LARP4B: variants seen among roughly 807,000 people sequenced by gnomAD.
LARP4B encodes la-related protein 4B.
Under a neutral mutation model 89.8 loss-of-function variants are expected in LARP4B, and 12 were observed. The ratio of observed to expected loss-of-function variants is 0.13; its 90% CI spans 0.09 to 0.22. The LOEUF (loss-of-function observed/expected upper bound fraction) is 0.22. Ranked by LOEUF, LARP4B falls within the 10% of genes least tolerant of loss-of-function variation. The probability of loss-of-function intolerance (pLI) is 1.00; values close to 1 mark genes in which losing one functional copy is unlikely to be tolerated. For missense variants in LARP4B, 757 were observed against 947.7 expected (o/e 0.80, Z 2.64); for synonymous variants, 367 against 363.3 (o/e 1.01, Z -0.12).
At chr10:909,068 G>T (rs1032349194) in intron 1 of LARP4B, among the ~76,000 whole-genome samples, 1 of 152,134 alleles carries the variant, frequency 6.6e-6, no homozygotes, top group Non-Finnish European at 1.5e-5. Context: ...GCTGAGGCGG[G>T]CAGATCACAA....
chr10:897,564 A>G (rs890402751), intron 1 of LARP4B, among the ~76,000 whole-genome samples: 2 of 152,230 alleles, frequency 1.3e-5, no homozygotes, highest in African/African-American at 4.8e-5. Context: ...CACACTATCA[A>G]GAAAGTGAAA....
intron 1 of LARP4B, among the ~76,000 whole-genome samples, chr10:927,660 T>C (rs982548476): frequency 1.3e-5 from 2 of 152,152 alleles, no homozygotes; most frequent in Non-Finnish European, 2.9e-5. Context: ...ACTCTTCACA[T>C]CAATAAAGTT....
At chr10:957,455 C>T in the LARP4B span, among the ~76,000 whole-genome samples, 1 of 152,098 alleles carries the variant, frequency 6.6e-6, no homozygotes, top group African/African-American at 2.4e-5. Context: ...GGTAAGCCAC[C>T]ATATCCAGCC....
At chr10:927,614 T>C (rs1486175071) in intron 1 of LARP4B, among the ~76,000 whole-genome samples, 1 of 152,212 alleles carries the variant, frequency 6.6e-6, no homozygotes, top group East Asian at 1.9e-4. Context: ...CTCATTTACT[T>C]CGTACTCTAA....
At chr10:824,765 G>C (rs1001998917) in intron 13 of LARP4B, among the ~76,000 whole-genome samples, 5 of 152,350 alleles carry the variant, frequency 3.3e-5, no homozygotes, top group African/African-American at 9.6e-5. Flanking sequence ...AGAGGGGCCT[G>C]GTGAGCCAGG....
chr10:972,182 C>T, the LARP4B span: 3 of 299,332 alleles, frequency 1.0e-5, no homozygotes, highest in Non-Finnish European at 2.0e-5. Context: ...CATGTGTCAA[C>T]ACGCCTGGGT....
intron 3 of LARP4B, among the ~76,000 whole-genome samples, chr10:878,277 A>G (rs887843245): frequency 6.6e-6 from 1 of 152,110 alleles, no homozygotes; most frequent in Admixed American, 6.5e-5. Flanking sequence ...TCTCGAAGGG[A>G]TCCTCTGGCC....
chr10:862,281 A>G lies in LARP4B; in HGVS notation c.430+1462T>C, dbSNP rs66526776. On this transcript the variant is annotated intron_variant, in intron 5 of 17. Coordinates refer to ENST00000316157, the MANE Select transcript of LARP4B (RefSeq NM_015155.3). The stretch of plus-strand genomic sequence containing the variant: ...TAAAAAAAAAAAAAAAAAAAAAAAA[A>G]CAACCGTCACAGAACATCTACACAT... Among the ~76,000 whole-genome samples, 1,171 of 147,406 alleles carry G rather than the reference A, an allele frequency of 7.9e-3. 11 individuals carry two copies. The highest frequency in any genetic ancestry group is 0.014 in the Non-Finnish European group (898 of 66,300).
rs565752602 is a variant in LARP4B at position 814,092 on chromosome 10, C to A, written c.1929+650G>T. On this transcript the variant is annotated intron_variant, in intron 17 of 17. Coordinates refer to ENST00000316157, the MANE Select transcript of LARP4B (RefSeq NM_015155.3). The surrounding 1 kb of genome is among the most constrained non-coding windows in gnomAD (Gnocchi z 4.4). ...CTGGGATTACAGGCGTGAGCCACAG[C>A]ACCTGGCCTCTTTTATTATTATTAT... Among the ~76,000 whole-genome samples the A allele has an allele frequency of 2.0e-5, 3 of 151,974 alleles. No homozygotes were observed. Among genetic ancestry groups the A allele is most frequent in the African/African-American group, 7.2e-5 (3 of 41,514 alleles).
intron 3 of LARP4B, among the ~76,000 whole-genome samples, chr10:878,226 T>A (rs553034363): frequency 9.9e-5 from 15 of 152,282 alleles, no homozygotes; most frequent in South Asian, 2.1e-4. Flanking sequence ...TCAGGCTAAC[T>A]GTGATGTTGA....
chr10:874,190 C>A (rs1455653523), intron 3 of LARP4B, among the ~76,000 whole-genome samples: 2 of 152,094 alleles, frequency 1.3e-5, no homozygotes, highest in Non-Finnish European at 2.9e-5. Context: ...GCCAAGATTG[C>A]GCCACTGCAC....
At chr10:815,279 C>CA (rs1831976243) in intron 15 of LARP4B, 1 of 420,316 alleles carries the variant, frequency 2.4e-6, no homozygotes, top group South Asian at 6.5e-5. Flanking sequence ...GCAAATGCCC[C>CA]ACTGTTCTTA....
At chr10:876,399 G>GAA (rs1004641181) in intron 3 of LARP4B, among the ~76,000 whole-genome samples, 1 of 150,934 alleles carries the variant, frequency 6.6e-6, no homozygotes, top group African/African-American at 2.4e-5. Context: ...AAAAAGAAAA[G>GAA]AAAAAAAAAT....
chr10:929,359 C>T (rs931873917), intron 1 of LARP4B, among the ~76,000 whole-genome samples: 3 of 152,210 alleles, frequency 2.0e-5, no homozygotes, highest in African/African-American at 7.2e-5. Context: ...CTTTGAGAGG[C>T]CAAGGCAGGT....
At chr10:913,235 G>A (rs1239683441) in intron 1 of LARP4B, among the ~76,000 whole-genome samples, 1 of 152,150 alleles carries the variant, frequency 6.6e-6, no homozygotes, top group East Asian at 1.9e-4. Flanking sequence ...TCTAAAGGAG[G>A]GGGGGAATTA....
intron 3 of LARP4B, among the ~76,000 whole-genome samples, chr10:876,408 A>T (rs1835453728): frequency 6.6e-6 from 1 of 152,198 alleles, no homozygotes; most frequent in Admixed American, 6.5e-5. Flanking sequence ...AGAAAAAAAA[A>T]TCTATTTCCA....
chr10:864,284 T>G lies in LARP4B; in HGVS notation c.142-14A>C. 6.2e-7 allele frequency: 1 copy of G among 1,613,852 alleles called. No individual in the cohort carries two copies. Among genetic ancestry groups the G allele is most frequent in the Non-Finnish European group, 8.5e-7 (1 of 1,179,750 alleles). On this transcript the variant is annotated splice_polypyrimidine_tract_variant and intron_variant, in intron 3 of 17. Transcript: ENST00000316157. ...AGTTGCTGGTACCTAGGAAGAAATGTAAGATAGACATTTGTATCCAAATGT... is the reference window on the plus strand; with the variant it reads ...AGTTGCTGGTACCTAGGAAGAAATGGAAGATAGACATTTGTATCCAAATGT...
At position 811,682 on chromosome 10, in the gene LARP4B, A is replaced by C. The variant is rs1564372839; in HGVS notation, c.*1244T>G. ...TGGAAATAATTTTTTCTTAAAAAAA[A>C]CCCTCAGTCTTGTTAAATAACATTT... On this transcript the variant is annotated 3_prime_UTR_variant, in exon 18 of 18. Transcript: ENST00000316157. 1.3e-5 allele frequency: 2 copies of C among 152,648 alleles called. No individual in the cohort carries two copies. The highest frequency in any genetic ancestry group is 2.9e-5 in the Non-Finnish European group (2 of 68,042). The allele number at this position is 152,648 out of a possible 1,614,324, so 9.5% of individuals were successfully genotyped here.
At chr10:833,935 G>T (rs1833066390) in intron 8 of LARP4B, among the ~76,000 whole-genome samples, 2 of 147,052 alleles carry the variant, frequency 1.4e-5, no homozygotes, top group African/African-American at 5.0e-5. Flanking sequence ...GATAAGAAAA[G>T]CAAGACCCAA....
Sources: allele counts gnomAD v4.1 joint callset (sites outside exome capture counted in the v4.1 genomes callset), GRCh38; gene constraint gnomAD v4.1.1; non-coding constraint Gnocchi (gnomAD v3.1); transcripts MANE v1.5; gene names NCBI Gene and HGNC (gene_info 2026-07-23, HGNC 2026-07-21).